PLSCR5: variants seen among roughly 807,000 people sequenced by gnomAD.
PLSCR5 encodes the protein phospholipid scramblase family, member 5.
PLSCR5 carries 44 observed loss-of-function variants against 33.6 expected under a neutral mutation model. The observed-to-expected ratio is 1.31, with a 90% confidence interval of 1.03 to 1.69. The LOEUF (loss-of-function observed/expected upper bound fraction) is 1.69. Ranked by LOEUF, PLSCR5 falls within the 40% of genes most tolerant of loss-of-function variation. PLSCR5 has a pLI of 0.00. For synonymous variants in PLSCR5, 148 were observed against 112.3 expected (o/e 1.32, Z -2.01); for missense variants, 375 against 318.7 (o/e 1.18, Z -1.34).
downstream of PLSCR5, chr3:146,585,797 T>C: frequency 4.2e-6 from 1 of 236,672 alleles, no homozygotes; most frequent in Non-Finnish European, 8.1e-6. Context: ...CTCAGGCCAG[T>C]AATCACGTAT....
At chr3:146,604,522 C>G (rs557151266) in intron 1 of PLSCR5, among the ~76,000 whole-genome samples, 1 of 152,110 alleles carries the variant, frequency 6.6e-6, no homozygotes, top group Non-Finnish European at 1.5e-5. Flanking sequence ...TTCAGAAATA[C>G]TTATTTCTAG....
At chr3:146,600,585 C>G (rs997639087) in intron 1 of PLSCR5, 122 bp from the exon 2 acceptor site, 2 of 1,010,646 alleles carry the variant, frequency 2.0e-6, no homozygotes, top group Admixed American at 4.1e-5. Context: ...CATTTTAATG[C>G]CCTTTTCCTT....
chr3:146,597,967 C>T (rs1487710935), intron 2 of PLSCR5, among the ~76,000 whole-genome samples: 1 of 151,912 alleles, frequency 6.6e-6, no homozygotes, highest in East Asian at 1.9e-4. Context: ...TTCTTTGACA[C>T]TATACAGTAA....
intron 4 of PLSCR5, among the ~76,000 whole-genome samples, chr3:146,592,408 C>T (rs1449581796): frequency 2.0e-5 from 3 of 152,162 alleles, no homozygotes; most frequent in East Asian, 3.9e-4. Context: ...AGTTTGATTG[C>T]TGGTTTGTGG....
At chr3:146,580,539 A>G (rs2107845573) in intron 7 of PLSCR5, among the ~76,000 whole-genome samples, 1 of 132,040 alleles carries the variant, frequency 7.6e-6, no homozygotes, top group East Asian at 2.2e-4. Context: ...ATTTCGGCTC[A>G]CTGCAATCTC....
chr3:146,604,775 C>A (rs1369829052), intron 1 of PLSCR5, among the ~76,000 whole-genome samples: 1 of 151,904 alleles, frequency 6.6e-6, no homozygotes. Flanking sequence ...CTACTATGTA[C>A]CCACATAAAT....
chr3:146,601,728 A>G (rs2044817631), intron 1 of PLSCR5, among the ~76,000 whole-genome samples: 1 of 152,136 alleles, frequency 6.6e-6, no homozygotes, highest in Non-Finnish European at 1.5e-5. Flanking sequence ...CACTTCAGCA[A>G]TGACTCTCAA....
intron 2 of PLSCR5, among the ~76,000 whole-genome samples, chr3:146,597,831 A>T (rs6773159): frequency 0.21 from 31,792 of 151,820 alleles, 3,669 homozygotes; most frequent in African/African-American, 0.3. Flanking sequence ...TAATTAATTT[A>T]AAAAAAATCA....
At chr3:146,591,486 C>T (rs1191748335) in intron 5 of PLSCR5, among the ~76,000 whole-genome samples, 1 of 151,712 alleles carries the variant, frequency 6.6e-6, no homozygotes, top group Non-Finnish European at 1.5e-5. Context: ...GATATGATGG[C>T]CAAGGTGATA....
chr3:146,589,962 G>T, intron 5 of PLSCR5, 148 bp from the exon 6 acceptor site: 1 of 489,354 alleles, frequency 2.0e-6, no homozygotes, highest in Non-Finnish European at 3.3e-6. Context: ...CATCATATAA[G>T]CATAGGTTTG....
chr3:146,602,882 C>A (rs1404366958), intron 1 of PLSCR5, among the ~76,000 whole-genome samples: 1 of 152,026 alleles, frequency 6.6e-6, no homozygotes, highest in Non-Finnish European at 1.5e-5. Flanking sequence ...GATATTGTGT[C>A]CAAAGTCTTT....
chr3:146,598,250 T>G (rs958935525), intron 2 of PLSCR5, among the ~76,000 whole-genome samples: 1 of 152,162 alleles, frequency 6.6e-6, no homozygotes, highest in African/African-American at 2.4e-5. Flanking sequence ...TGTTCATTAT[T>G]TTGTTTGATT....
At chr3:146,604,441 G>T (rs912023534) in intron 1 of PLSCR5, among the ~76,000 whole-genome samples, 1 of 152,048 alleles carries the variant, frequency 6.6e-6, no homozygotes, top group African/African-American at 2.4e-5. Flanking sequence ...TGCGCTTAAA[G>T]CAGATATTTT....
intron 3 of PLSCR5, among the ~76,000 whole-genome samples, chr3:146,594,566 T>G (rs780189157): frequency 6.6e-6 from 1 of 152,084 alleles, no homozygotes; most frequent in Non-Finnish European, 1.5e-5. Context: ...TATTTCAATT[T>G]TTATATATAT....
chr3:146,600,420 TC>T lies in PLSCR5; in HGVS notation c.56del (p.Gly19GlufsTer22). The T allele has an allele frequency of 6.2e-7, 1 of 1,604,456 alleles. No homozygotes were observed. On this transcript the variant is annotated frameshift_variant, in exon 2 of 8. Coordinates refer to ENST00000443512, the MANE Select transcript of PLSCR5 (RefSeq NM_001085420.2). LOFTEE classifies it high-confidence loss of function. Reference sequence around the variant, plus strand: ...GAAGGCTTTGGTCTGGGTCTGGAGCTCCAGGAAGAAAACCAGGCAGACCTCT... The same window carrying T: ...GAAGGCTTTGGTCTGGGTCTGGAGCTCAGGAAGAAAACCAGGCAGACCTCT... ...QRRGLPGFLP[G>X]APDPDQSLPA...
downstream of PLSCR5, among the ~76,000 whole-genome samples, chr3:146,581,476 A>C (rs2044632358): frequency 6.6e-6 from 1 of 152,240 alleles, no homozygotes; most frequent in South Asian, 2.1e-4. Flanking sequence ...CAGTGTATGC[A>C]TTCCAGAAAT....
At chr3:146,588,836 T>C (rs1030110076) in intron 6 of PLSCR5, among the ~76,000 whole-genome samples, 8 of 152,234 alleles carry the variant, frequency 5.3e-5, no homozygotes, top group African/African-American at 9.6e-5. Flanking sequence ...AAAGGCATCA[T>C]GTCTGCAACC....
Position 146,586,065 on chromosome 3 carries a change from T to C in PLSCR5, c.*9A>G, listed in dbSNP as rs757375369. The C allele has an allele frequency of 2.7e-6, 4 of 1,482,496 alleles. No homozygotes were observed. In the South Asian group the frequency reaches 5.3e-5, roughly 20 times the overall value. 91.8% of individuals were successfully genotyped at this position (1,482,496 alleles called of 1,614,324 possible). A position where few individuals can be genotyped will look rare whatever the true frequency, so the allele number is the denominator to read the frequency against. On this transcript the variant is annotated 3_prime_UTR_variant, in exon 7 of 8. Transcript: ENST00000443512. The stretch of plus-strand genomic sequence containing the variant: ...TCTGCATATTTTATTGTTTTCATTA[T>C]CTTGGTTATTATAATCCAGCCAGTG...
chr3:146,600,706 G>A (rs1380229620), intron 1 of PLSCR5, among the ~76,000 whole-genome samples: 2 of 151,072 alleles, frequency 1.3e-5, no homozygotes, highest in Middle Eastern at 3.5e-3. Flanking sequence ...CAAAATAAAA[G>A]ACTTTAGAAA....
Sources: gnomAD v4.1 joint callset for allele counts (sites outside exome capture counted in the v4.1 genomes callset) on GRCh38, gnomAD v4.1.1 for gene constraint, MANE v1.5 for transcripts, NCBI Gene and HGNC (gene_info 2026-07-23, HGNC 2026-07-21) for gene names.